FHIT: variants seen among roughly 807,000 people sequenced by gnomAD.
FHIT encodes bis(5'-adenosyl)-triphosphatase.
FHIT carries 19 observed loss-of-function variants against 17.9 expected under a neutral mutation model. That is an observed-to-expected ratio of 1.06 (90% confidence interval 0.74 to 1.56). FHIT has a LOEUF of 1.56. Among genes scored for constraint, FHIT ranks in the 40% most tolerant of loss-of-function variants. The pLI is 0.00. For synonymous variants in FHIT, 81 were observed against 69.7 expected, an observed-to-expected ratio of 1.16 and a Z score of -0.81; for missense variants, 248 against 189.2, an observed-to-expected ratio of 1.31 and a Z score of -1.82.
intron 3 of FHIT, among the ~76,000 whole-genome samples, chr3:60,868,619 A>C (rs1169228694): frequency 3.3e-5 from 5 of 152,168 alleles, no homozygotes; most frequent in African/African-American, 1.2e-4. Flanking sequence ...CATTGACAAT[A>C]TACTCTCTTT....
chr3:59,870,514 C>T (rs1702869746), intron 8 of FHIT, among the ~76,000 whole-genome samples: 1 of 152,138 alleles, frequency 6.6e-6, no homozygotes, highest in Non-Finnish European at 1.5e-5. Context: ...TAATCCATCC[C>T]ACTCCTACTG....
chr3:60,716,256 C>G (rs2041679993), intron 4 of FHIT, among the ~76,000 whole-genome samples: 1 of 151,972 alleles, frequency 6.6e-6, no homozygotes, highest in Admixed American at 6.6e-5. Context: ...AAAACTTACA[C>G]ACACACACTC....
chr3:60,955,655 T>G (rs1382141210), intron 3 of FHIT, among the ~76,000 whole-genome samples: 1 of 134,266 alleles, frequency 7.4e-6, no homozygotes, highest in African/African-American at 3.0e-5. Flanking sequence ...CATATATACA[T>G]GTGACAAATT....
chr3:60,448,933 C>G (rs960019349), intron 5 of FHIT, among the ~76,000 whole-genome samples: 7 of 152,210 alleles, frequency 4.6e-5, no homozygotes. Flanking sequence ...GGCTAAGAAG[C>G]CTTCATTCCA....
chr3:61,139,850 C>T (rs2037025607), intron 2 of FHIT, among the ~76,000 whole-genome samples: 1 of 151,966 alleles, frequency 6.6e-6, no homozygotes, highest in Admixed American at 6.6e-5. Flanking sequence ...AATCAGTCAC[C>T]ATCACTGAGC....
chr3:60,420,796 TC>T (rs1288397146), intron 5 of FHIT, among the ~76,000 whole-genome samples: 19 of 152,194 alleles, frequency 1.2e-4, no homozygotes, highest in Non-Finnish European at 2.4e-4. Context: ...TTCACCTAGC[TC>T]AGTGTTTGCA....
intron 2 of FHIT, among the ~76,000 whole-genome samples, chr3:61,126,437 T>C (rs931337786): frequency 2.6e-5 from 4 of 151,996 alleles, no homozygotes; most frequent in Non-Finnish European, 5.9e-5. Context: ...ATTACAGTCA[T>C]GGCGGAAGGG....
intron 8 of FHIT, among the ~76,000 whole-genome samples, chr3:59,801,670 G>A (rs560360192): frequency 1.3e-5 from 2 of 152,126 alleles, no homozygotes; most frequent in East Asian, 1.9e-4. Flanking sequence ...CCAAGCATTC[G>A]CTACGCATAA....
chr3:60,152,125 G>A (rs1199837159), intron 5 of FHIT, among the ~76,000 whole-genome samples: 3 of 152,156 alleles, frequency 2.0e-5, no homozygotes, highest in Non-Finnish European at 2.9e-5. Flanking sequence ...GTCTAATAAT[G>A]TGGCTAAAGG....
At position 61,025,692 on chromosome 3, in the gene FHIT, G is replaced by A. The variant is rs529572184; in HGVS notation, c.-111+16355C>T. ...CCCATCTACCAAGGAAGGGAGAAAA[G>A]TAAGAAATGGAAGTTAAGCTCAAAT... On this transcript the variant is annotated intron_variant, in intron 3 of 9. Transcript: ENST00000492590. Among the ~76,000 whole-genome samples the A allele has an allele frequency of 4.6e-5, 7 of 152,070 alleles. No individual in the cohort carries two copies. The East Asian group carries it at 1.4e-3, about 31-fold the overall frequency.
chr3:60,681,159 C>T (rs2040738057), intron 4 of FHIT, among the ~76,000 whole-genome samples: 1 of 152,178 alleles, frequency 6.6e-6, no homozygotes, highest in Non-Finnish European at 1.5e-5. Context: ...ATTTTTCCAA[C>T]AGCACGTGTT....
At chr3:60,936,933 G>T (rs1708216368) in intron 3 of FHIT, among the ~76,000 whole-genome samples, 1 of 152,160 alleles carries the variant, frequency 6.6e-6, no homozygotes, top group South Asian at 2.1e-4. Context: ...AGGCCAAATT[G>T]TATTCAGTTG....
At chr3:60,952,143 G>A (rs1220111586) in intron 3 of FHIT, among the ~76,000 whole-genome samples, 1 of 148,926 alleles carries the variant, frequency 6.7e-6, no homozygotes, top group Non-Finnish European at 1.5e-5. Flanking sequence ...CAGCCTGGGA[G>A]ACAAGAGCAA....
intron 3 of FHIT, among the ~76,000 whole-genome samples, chr3:60,852,293 C>G (rs1269726779): frequency 6.6e-6 from 1 of 152,124 alleles, no homozygotes; most frequent in Non-Finnish European, 1.5e-5. Context: ...ACCATTGGGT[C>G]TCCTGGGTCC....
intron 7 of FHIT, 109 bp from the exon 8 acceptor site, chr3:59,922,523 G>T: frequency 1.1e-6 from 1 of 897,556 alleles, no homozygotes; most frequent in Non-Finnish European, 1.7e-6. Flanking sequence ...TTCCTGCTGG[G>T]TTATTTTTCA....
At chr3:60,263,568 A>C (rs1412023197) in intron 5 of FHIT, among the ~76,000 whole-genome samples, 1 of 152,000 alleles carries the variant, frequency 6.6e-6, no homozygotes, top group Non-Finnish European at 1.5e-5. Context: ...AGGAACAAAA[A>C]GATACATGCT....
At chr3:60,557,411 A>C (rs2036778427) in intron 4 of FHIT, among the ~76,000 whole-genome samples, 2 of 152,308 alleles carry the variant, frequency 1.3e-5, no homozygotes, top group Admixed American at 6.5e-5. Context: ...AACAAAAAAA[A>C]AAATAGACAT....
At chr3:60,681,895 G>T (rs550196567) in intron 4 of FHIT, among the ~76,000 whole-genome samples, 1 of 152,232 alleles carries the variant, frequency 6.6e-6, no homozygotes, top group Admixed American at 6.5e-5. Flanking sequence ...AGCAGGAAGT[G>T]CTTATATAGA....
At chr3:60,332,081 T>A (rs1481590842) in intron 5 of FHIT, among the ~76,000 whole-genome samples, 2 of 152,144 alleles carry the variant, frequency 1.3e-5, no homozygotes, top group Non-Finnish European at 2.9e-5. Flanking sequence ...TAATGCTAAT[T>A]AAATATCTAT....
Sources: allele counts gnomAD v4.1 joint callset (sites outside exome capture counted in the v4.1 genomes callset), GRCh38; gene constraint gnomAD v4.1.1; transcripts MANE v1.5; gene names NCBI Gene and HGNC (gene_info 2026-07-23, HGNC 2026-07-21).